RUNX3: variants seen among roughly 807,000 people sequenced by gnomAD.
RUNX3 encodes the protein RUNX family transcription factor 3.
Under a neutral mutation model 27.7 loss-of-function variants are expected in RUNX3, and 10 were observed. The observed-to-expected ratio is 0.36, with a 90% confidence interval of 0.22 to 0.61. RUNX3 has a LOEUF of 0.61. Among genes scored for constraint, RUNX3 ranks in the 20% least tolerant of loss-of-function variants. The pLI is 0.72. For missense variants in RUNX3, 469 were observed against 629.5 expected (o/e 0.75, Z 2.73); for synonymous variants, 270 against 269.2 (o/e 1.00, Z -0.03).
intron 2 of RUNX3, among the ~76,000 whole-genome samples, chr1:24,964,330 C>A (rs1195946114): frequency 6.6e-6 from 1 of 152,202 alleles, no homozygotes; most frequent in Admixed American, 6.5e-5. Context: ...AGTGCCACAG[C>A]GATGTTCCAC....
intron 3 of RUNX3, among the ~76,000 whole-genome samples, chr1:24,909,578 T>A (rs1027302931): frequency 6.6e-6 from 1 of 152,194 alleles, no homozygotes; most frequent in Non-Finnish European, 1.5e-5. Flanking sequence ...TCAACAAGCA[T>A]GGCGAGAATG....
chr1:24,945,190 T>A (rs1276833794), intron 2 of RUNX3, among the ~76,000 whole-genome samples: 1 of 152,238 alleles, frequency 6.6e-6, no homozygotes, highest in African/African-American at 2.4e-5. Context: ...AATAATGAAC[T>A]CCTTTTTAGT....
At chr1:24,905,364 C>T (rs1640644825) in intron 4 of RUNX3, among the ~76,000 whole-genome samples, 1 of 152,240 alleles carries the variant, frequency 6.6e-6, no homozygotes, top group African/African-American at 2.4e-5. Context: ...CCTGGTCCAG[C>T]TGACTGCAGA....
Position 24,930,092 on chromosome 1 carries a change from A to C in RUNX3, c.-224T>G, listed in dbSNP as rs1641187753. The C allele has an allele frequency of 2.0e-6, 2 of 978,914 alleles. No individual in the cohort carries two copies. The highest frequency in any genetic ancestry group is 6.4e-5 in the Admixed American group (1 of 15,718). 60.6% of individuals were successfully genotyped at this position (978,914 alleles called of 1,614,324 possible). A position where few individuals can be genotyped will look rare whatever the true frequency, so the allele number is the denominator to read the frequency against. On this transcript the variant is annotated 5_prime_UTR_variant, in exon 1 of 5. The change abolishes the stop of an existing upstream ORF in the 5' untranslated region. Transcript: ENST00000308873. The surrounding 1 kb of genome is among the most constrained non-coding windows in gnomAD (Gnocchi z 4.1). ...ACGGCCGCCCGCAGCCTGCCCGGCT[A>C]GTCCCGCATCCTCGGCGCGCGGCCC...
intron 2 of RUNX3, among the ~76,000 whole-genome samples, chr1:24,949,056 G>T (rs943211571): frequency 1.3e-5 from 2 of 152,008 alleles, no homozygotes; most frequent in Admixed American, 1.3e-4. Flanking sequence ...TAACCACAGT[G>T]AACACTGCGA....
At chr1:24,949,845 G>A (rs1641713327) in intron 2 of RUNX3, among the ~76,000 whole-genome samples, 1 of 152,378 alleles carries the variant, frequency 6.6e-6, no homozygotes, top group East Asian at 1.9e-4. Flanking sequence ...GTGGGCCTTG[G>A]CTCAGAGCAT....
upstream of RUNX3, among the ~76,000 whole-genome samples, chr1:24,931,332 C>T (rs1193509449): frequency 3.9e-5 from 6 of 152,338 alleles, no homozygotes; most frequent in East Asian, 1.2e-3. Context: ...CGCCCGGCTC[C>T]GGGTCCCCGC....
rs115023973 is a variant in RUNX3 at position 24,947,585 on chromosome 1, C to T, written c.58+16929G>A. On this transcript the variant is annotated intron_variant, in intron 2 of 6. Coordinates refer to the RUNX3 transcript ENST00000338888. The stretch of plus-strand genomic sequence containing the variant: ...GCTGAGCTAGGAGGGACCTGACGGC[C>T]CCAGATGGAGGCTGGCCCACCCTGC... Among the ~76,000 whole-genome samples, 1,037 of 152,300 alleles carry T rather than the reference C, an allele frequency of 6.8e-3. 16 individuals are homozygous for T. The highest frequency in any genetic ancestry group is 0.024 in the African/African-American group (991 of 41,558).
In RUNX3 at chr1:24,943,689, G is replaced by A. The variant is rs922389003; in HGVS notation, c.59-13837C>T. On this transcript the variant is annotated intron_variant, in intron 2 of 6. Transcript: ENST00000338888. The surrounding 1 kb of genome is among the most constrained non-coding windows in gnomAD (Gnocchi z 4.6). ...GGGATGTGACGTGCTGGGGCCCAGGGGAGTCCAAAGTCAGGACTCATTCTT... is the reference window on the plus strand; with the variant it reads ...GGGATGTGACGTGCTGGGGCCCAGGAGAGTCCAAAGTCAGGACTCATTCTT... Among the ~76,000 whole-genome samples the A allele has an allele frequency of 2.6e-5, 4 of 152,162 alleles. No homozygotes were observed. Among genetic ancestry groups the A allele is most frequent in the African/African-American group, 9.7e-5 (4 of 41,440 alleles).
At chr1:24,949,266 T>A (rs984441436) in intron 2 of RUNX3, among the ~76,000 whole-genome samples, 3 of 151,900 alleles carry the variant, frequency 2.0e-5, no homozygotes, top group African/African-American at 7.3e-5. Context: ...AGGTTAAATA[T>A]CCCCCTCAGG....
chr1:24,943,664 G>A lies in RUNX3; in HGVS notation c.59-13812C>T, dbSNP rs377354549. On this transcript the variant is annotated intron_variant, in intron 2 of 6. Transcript: ENST00000338888. The surrounding 1 kb of genome is among the most constrained non-coding windows in gnomAD (Gnocchi z 4.6). ...GTGTCGGAAAAACAGGTCTGGAGAG[G>A]GGATGTGACGTGCTGGGGCCCAGGG... Among the ~76,000 whole-genome samples the A allele has an allele frequency of 2.4e-4, 36 of 152,280 alleles. No individual in the cohort carries two copies. Among genetic ancestry groups the A allele is most frequent in the East Asian group, 2.3e-3 (12 of 5,176 alleles).
chr1:24,907,157 T>C, intron 4 of RUNX3, 102 bp downstream of exon 4: 1 of 1,238,614 alleles, frequency 8.1e-7, no homozygotes, highest in South Asian at 1.5e-5. Context: ...GGGGGTGCAG[T>C]GACTGATCTT....
Position 24,907,688 on chromosome 1 carries a change from C to T in RUNX3, c.545-271G>A, listed in dbSNP as rs201929354. On this transcript the variant is annotated intron_variant, in intron 3 of 4. Transcript: ENST00000308873. ...CGCGGTGATCTAAACCTCTACAACA[C>T]GCGGTGATCTAAACCTCTACAACAC... Among the ~76,000 whole-genome samples the T allele has an allele frequency of 2.3e-4, 35 of 152,202 alleles. 1 individual carries two copies. The East Asian group carries it at 5.4e-3, about 23-fold the overall frequency.
chr1:24,908,241 G>A (rs558364670), intron 3 of RUNX3, among the ~76,000 whole-genome samples: 3 of 150,278 alleles, frequency 2.0e-5, no homozygotes, highest in Admixed American at 6.6e-5. Flanking sequence ...TATGACACGC[G>A]GTGATCTGAA....
At chr1:24,957,106 C>T (rs1347008051) in intron 2 of RUNX3, among the ~76,000 whole-genome samples, 1 of 152,232 alleles carries the variant, frequency 6.6e-6, no homozygotes, top group Non-Finnish European at 1.5e-5. Flanking sequence ...TATGCGTCTG[C>T]CCTTTCCGCC....
chr1:24,940,160 G>C (rs1457904751), intron 2 of RUNX3, among the ~76,000 whole-genome samples: 1 of 152,210 alleles, frequency 6.6e-6, no homozygotes, highest in Non-Finnish European at 1.5e-5. Context: ...ACCAGGAATA[G>C]AAATATTGAG....
intron 2 of RUNX3, among the ~76,000 whole-genome samples, chr1:24,952,416 G>C (rs1054446167): frequency 1.3e-5 from 2 of 152,182 alleles, no homozygotes; most frequent in African/African-American, 4.8e-5. Context: ...GCATATCAAA[G>C]ACTCTGACAA....
upstream of RUNX3, among the ~76,000 whole-genome samples, chr1:24,932,375 C>T (rs1271089110): frequency 6.6e-6 from 1 of 151,980 alleles, no homozygotes; most frequent in African/African-American, 2.4e-5. Context: ...ACCAAGGTCG[C>T]GGGGCCGCCT....
intron 2 of RUNX3, among the ~76,000 whole-genome samples, chr1:24,938,392 A>G (rs979926057): frequency 1.4e-4 from 21 of 152,196 alleles, no homozygotes; most frequent in African/African-American, 4.8e-4. Flanking sequence ...AGATTTGCCC[A>G]CCGTCACAGA....
Sources: gnomAD v4.1 joint callset for allele counts (sites outside exome capture counted in the v4.1 genomes callset) on GRCh38, gnomAD v4.1.1 for gene constraint, Gnocchi (gnomAD v3.1) non-coding constraint, MANE v1.5 for transcripts, NCBI Gene and HGNC (gene_info 2026-07-23, HGNC 2026-07-21) for gene names.